Variants in RPN2 observed in about 807,000 individuals in gnomAD.
The protein encoded by RPN2 is dolichyl-diphosphooligosaccharide--protein glycosyltransferase subunit 2.
In RPN2, 29 loss-of-function variants were observed where a neutral mutation model predicts 71.4. The observed-to-expected ratio is 0.41, with a 90% confidence interval of 0.30 to 0.55. The LOEUF (loss-of-function observed/expected upper bound fraction) is 0.55, where lower values mean the gene tolerates loss of function less well. Ranked by LOEUF, RPN2 falls within the 20% of genes least tolerant of loss-of-function variation. The pLI is 0.35. For missense variants in RPN2, 726 were observed against 774.1 expected (o/e 0.94, Z 0.74); for synonymous variants, 308 against 305.0 (o/e 1.01, Z -0.10).
chr20:37,234,393 C>T (rs1445275591), intron 15 of RPN2, among the ~76,000 whole-genome samples: 1 of 152,226 alleles, frequency 6.6e-6, no homozygotes, highest in Non-Finnish European at 1.5e-5. Context: ...CGTATCTTTA[C>T]ATTGAGCAAT....
chr20:37,220,297 A>G (rs75068619), intron 9 of RPN2, among the ~76,000 whole-genome samples: 1,875 of 152,196 alleles, frequency 0.012, 37 homozygotes, highest in African/African-American at 0.043. Context: ...AGAGCCTCAG[A>G]GCAGGTCATT....
chr20:37,200,391 A>G (rs2067357808), intron 4 of RPN2: 1 of 512,322 alleles, frequency 2.0e-6, no homozygotes, highest in Admixed American at 2.1e-5. Flanking sequence ...CTCCTTTAAA[A>G]CAATATTTTT....
chr20:37,196,234 C>T, intron 2 of RPN2, among the ~76,000 whole-genome samples: 1 of 140,904 alleles, frequency 7.1e-6, no homozygotes, highest in South Asian at 2.3e-4. Flanking sequence ...CTCCCCCCCA[C>T]CTTTTTTTTT....
chr20:37,189,926 G>A (rs75284909), intron 2 of RPN2, among the ~76,000 whole-genome samples: 3 of 152,270 alleles, frequency 2.0e-5, no homozygotes, highest in Admixed American at 6.5e-5. Flanking sequence ...GTGATGCTTC[G>A]TACTTCTGCT....
At position 37,232,209 on chromosome 20, in the gene RPN2, G is replaced by C. The variant is rs114706836; in HGVS notation, c.1582-87G>C. Reference sequence around the variant, plus strand: ...TGGGCGGCATATCCTCTTCATGACTGACATTGATGCTTTGGTCCCCGGTAT... The same window carrying C: ...TGGGCGGCATATCCTCTTCATGACTCACATTGATGCTTTGGTCCCCGGTAT... On this transcript the variant is annotated intron_variant, in intron 13 of 16. Transcript: ENST00000237530. 5.0e-4 allele frequency: 766 copies of C among 1,519,830 alleles called. 2 individuals are homozygous for C. The African/African-American group carries it at 9.7e-3, about 19-fold the overall frequency. The allele number at this position is 1,519,830 out of a possible 1,614,324, so 94.1% of individuals were successfully genotyped here. A position where few individuals can be genotyped will look rare whatever the true frequency, so the allele number is the denominator to read the frequency against.
rs529871011 is a variant in RPN2, at chr20:37,192,840, T to A, written c.208-5557T>A. The stretch of plus-strand genomic sequence containing the variant: ...AGGAAATCTCCGAATTTAAATCTCA[T>A]TGTGGGCTGAGTGTGTTGGCTCACA... On this transcript the variant is annotated intron_variant, in intron 2 of 16. Transcript: ENST00000237530. Among the ~76,000 whole-genome samples the A allele has an allele frequency of 2.0e-5, 3 of 152,230 alleles. No homozygotes were observed. The Middle Eastern group carries it at 0.01, about 518-fold the overall frequency.
At chr20:37,229,566 T>C (rs1436530824) in intron 12 of RPN2, among the ~76,000 whole-genome samples, 1 of 152,174 alleles carries the variant, frequency 6.6e-6, no homozygotes, top group Admixed American at 6.5e-5. Context: ...TCAAGACTTC[T>C]TTTCTTCTCC....
intron 8 of RPN2, 93 bp from the exon 9 acceptor site, chr20:37,213,667 G>A: frequency 2.1e-6 from 2 of 957,122 alleles, no homozygotes; most frequent in Non-Finnish European, 3.4e-6. Context: ...GCTAGCCTTG[G>A]ACAGTCTCCA....
Position 37,241,452 on chromosome 20 carries a change from T to C in RPN2, c.*137T>C. 9.2e-7 allele frequency: 1 copy of C among 1,081,838 alleles called. No individual in the cohort carries two copies. Among genetic ancestry groups the C allele is most frequent in the East Asian group, 2.6e-5 (1 of 38,598 alleles). The allele number at this position is 1,081,838 out of a possible 1,614,324, so 67.0% of individuals were successfully genotyped here. On this transcript the variant is annotated 3_prime_UTR_variant, in exon 17 of 17. Coordinates refer to ENST00000237530, the MANE Select transcript of RPN2 (RefSeq NM_002951.5). ...AAAGTCCAGATTGTAGTTATACTTT[T>C]GCTTGTTTTTCAGTTTCCCCAACAC...
At chr20:37,213,702 G>A in intron 8 of RPN2, 58 bp from the exon 9 acceptor site, 1 of 1,319,054 alleles carries the variant, frequency 7.6e-7, no homozygotes. Flanking sequence ...GCTCCTGTTT[G>A]TTATATCCAT....
chr20:37,223,822 G>A, intron 9 of RPN2, 56 bp from the exon 10 acceptor site: 1 of 1,425,414 alleles, frequency 7.0e-7, no homozygotes, highest in Non-Finnish European at 9.9e-7. Flanking sequence ...ATCTGCATGT[G>A]AATTCCTGAA....
At chr20:37,232,512 T>G (rs2068280998) in intron 14 of RPN2, 121 bp downstream of exon 14, 1 of 1,176,230 alleles carries the variant, frequency 8.5e-7, no homozygotes, top group Non-Finnish European at 1.3e-6. Context: ...CCAGCAGCTG[T>G]GACCTGAATT....
intron 9 of RPN2, among the ~76,000 whole-genome samples, chr20:37,223,010 G>A (rs886529872): frequency 1.3e-5 from 2 of 152,106 alleles, no homozygotes; most frequent in East Asian, 3.8e-4. Context: ...TTTTCCCCAC[G>A]CTAGATTCTT....
intron 2 of RPN2, among the ~76,000 whole-genome samples, chr20:37,186,403 A>G (rs2067011108): frequency 6.6e-6 from 1 of 152,224 alleles, no homozygotes; most frequent in African/African-American, 2.4e-5. Flanking sequence ...GGCATACACT[A>G]CTGCACCTGG....
intron 10 of RPN2, among the ~76,000 whole-genome samples, 166 bp downstream of exon 10, chr20:37,224,135 G>C (rs2146664206): frequency 6.6e-6 from 1 of 152,348 alleles, no homozygotes; most frequent in Non-Finnish European, 1.5e-5. Flanking sequence ...CGGGGATTCT[G>C]CGAATTATCT....
chr20:37,236,459 A>T, intron 15 of RPN2, 121 bp from the exon 16 acceptor site: 1 of 1,067,102 alleles, frequency 9.4e-7, no homozygotes, highest in Non-Finnish European at 1.4e-6. Context: ...AAGGAATAAA[A>T]CAAGCTGGTA....
At position 37,207,325 on chromosome 20, in the gene RPN2, C is replaced by T; in HGVS notation, c.743C>T (p.Ser248Phe). ...NAIFSKKNFE[S>F]LSEAFSVASA... is the part of the protein sequence containing the mutation. ...ATCTTCAGCAAGAAGAACTTTGAGT[C>T]CCTCTCCGAAGCCTTCAGCGTGGCC... Residue 248 changes from serine to phenylalanine, a missense_variant, in exon 7 of 17, where the codon TCC becomes TTC. By Grantham distance (155) the Ser-to-Phe change is radical (BLOSUM62 -2). Coordinates refer to ENST00000237530, the MANE Select transcript of RPN2 (RefSeq NM_002951.5). 6.2e-7 allele frequency: 1 copy of T among 1,613,898 alleles called. No homozygotes were observed. Among genetic ancestry groups the T allele is most frequent in the Non-Finnish European group, 8.5e-7 (1 of 1,179,738 alleles).
At chr20:37,232,179 G>T in intron 13 of RPN2, 117 bp from the exon 14 acceptor site, 2 of 1,279,144 alleles carry the variant, frequency 1.6e-6, no homozygotes, top group Non-Finnish European at 2.3e-6. Flanking sequence ...AGAGGTTTTA[G>T]CCTCTGGGCG....
chr20:37,190,866 A>C (rs1330827957), intron 2 of RPN2, among the ~76,000 whole-genome samples: 1 of 152,210 alleles, frequency 6.6e-6, no homozygotes, highest in African/African-American at 2.4e-5. Flanking sequence ...AGTTGTATGC[A>C]TGTTTCAGAG....
Sources: allele counts gnomAD v4.1 joint callset (sites outside exome capture counted in the v4.1 genomes callset), GRCh38; gene constraint gnomAD v4.1.1; transcripts MANE v1.5; gene names NCBI Gene and HGNC (gene_info 2026-07-23, HGNC 2026-07-21).